The following TMTC3 variants were observed in gnomAD, a reference collection of about 807,000 sequenced individuals.
TMTC3 encodes transmembrane O-mannosyltransferase targeting cadherins 3.
Under a neutral mutation model 92.2 loss-of-function variants are expected in TMTC3, and 52 were observed. That is an observed-to-expected ratio of 0.56 (90% CI 0.45 to 0.71). TMTC3 has a LOEUF of 0.71. Ranked by LOEUF, TMTC3 falls within the 30% of genes least tolerant of loss-of-function variation. The probability of loss-of-function intolerance (pLI) is 0.00; values close to 1 mark genes in which losing one functional copy is unlikely to be tolerated. For synonymous variants in TMTC3, 339 were observed against 363.3 expected (o/e 0.93, Z 0.76); for missense variants, 896 against 1,057.1 (o/e 0.85, Z 2.11).
chr12:88,151,636 C>T (rs1052274044), intron 2 of TMTC3, among the ~76,000 whole-genome samples: 1 of 152,066 alleles, frequency 6.6e-6, no homozygotes, highest in Admixed American at 6.6e-5. Context: ...ATATGTATGT[C>T]TAATAGTCCT....
At chr12:88,148,596 T>C in intron 2 of TMTC3, 92 bp downstream of exon 2, 1 of 930,690 alleles carries the variant, frequency 1.1e-6, no homozygotes, top group South Asian at 2.0e-5. Flanking sequence ...AACATTATCA[T>C]CACAACAGTT....
rs549262612 is a variant in TMTC3 at position 88,153,215 on chromosome 12, G to A, written c.190-76G>A. ...AATGTAGATATTAATATCTTTAATG[G>A]TAAATGCAGTGATGAGCTTTTGTAC... On this transcript the variant is annotated intron_variant, in intron 2 of 13. Coordinates refer to ENST00000266712, the MANE Select transcript of TMTC3 (RefSeq NM_181783.4). The A allele has an allele frequency of 1.8e-4, 151 of 838,926 alleles. 3 individuals carry two copies. In the East Asian group the frequency reaches 3.9e-3, roughly 22 times the overall value. The allele number at this position is 838,926 out of a possible 1,614,324, so 52.0% of individuals were successfully genotyped here.
Position 88,198,438 on chromosome 12 carries a change from A to G in TMTC3, c.*2789A>G, listed in dbSNP as rs1453744711. ...TTGACAATCCCCAAGGGGCAGTGTT[A>G]CCTTACTCCTTCACTGCTTCTTAGA... On this transcript the variant is annotated 3_prime_UTR_variant, in exon 14 of 14. Coordinates refer to ENST00000266712, the MANE Select transcript of TMTC3 (RefSeq NM_181783.4). 2.5e-6 allele frequency: 1 copy of G among 398,012 alleles called. No individual in the cohort carries two copies. The highest frequency in any genetic ancestry group is 3.6e-5 in the East Asian group (1 of 28,072). The allele number at this position is 398,012 out of a possible 1,614,324, so 24.7% of individuals were successfully genotyped here.
chr12:88,165,727 A>G (rs2041135964), intron 6 of TMTC3, among the ~76,000 whole-genome samples: 1 of 152,116 alleles, frequency 6.6e-6, no homozygotes, highest in Non-Finnish European at 1.5e-5. Flanking sequence ...GTAGAACACA[A>G]ATTCTTACAC....
At position 88,192,731 on chromosome 12, in the gene TMTC3, G is replaced by T; in HGVS notation, c.1834G>T (p.Glu612Ter). The change falls in exon 13 of 14, where the codon GAA becomes TAA. Residue 612 changes from glutamate (E) to a stop codon, truncating the protein, a stop_gained. Coordinates refer to ENST00000266712, the MANE Select transcript of TMTC3 (RefSeq NM_181783.4). LOFTEE classifies it high-confidence loss of function. Reference protein sequence around the residue: ...NLAIVHIELKEPNEALKNFNR... With the variant: ...NLAIVHIELK ...GGCAATTGTACATATTGAACTTAAAGAACCAAATGAAGCCCTAAAAAACTT... is the reference window on the plus strand; with the variant it reads ...GGCAATTGTACATATTGAACTTAAATAACCAAATGAAGCCCTAAAAAACTT... The T allele has an allele frequency of 1.2e-6, 2 of 1,613,428 alleles. No individual in the cohort carries two copies. The highest frequency in any genetic ancestry group is 1.7e-6 in the Non-Finnish European group (2 of 1,179,646).
At chr12:88,189,680 C>CAATTTTCATGTTATCAGCA (rs2041421364) in intron 11 of TMTC3, among the ~76,000 whole-genome samples, 1 of 152,000 alleles carries the variant, frequency 6.6e-6, no homozygotes, top group Non-Finnish European at 1.5e-5. Context: ...TACCCTATGT[C>CAATTTTCATGTTATCAGCA]AATTTTCATG....
Position 88,174,650 on chromosome 12 carries a change from C to G in TMTC3, c.1243C>G (p.Leu415Val), listed in dbSNP as rs926861175. ...CTGGATTTGTCTGTCTATGGTGATA[C>G]TCACTCATTCCTTAAAAACATTCCA... is the stretch of plus-strand genomic sequence containing the variant. ...LSWICLSMVILTHSLKTFHRN... is the reference protein window; with the variant it reads ...LSWICLSMVIVTHSLKTFHRN... The change falls in exon 9 of 14, where the codon CTC becomes GTC. Residue 415 changes from leucine to valine, a missense_variant. Leu to Val is a conservative substitution (Grantham distance 32, BLOSUM62 1). Transcript: ENST00000266712. 6.2e-7 allele frequency: 1 copy of G among 1,612,052 alleles called. No individual in the cohort carries two copies. Among genetic ancestry groups the G allele is most frequent in the African/African-American group, 1.3e-5 (1 of 74,794 alleles).
chr12:88,146,136 C>G (rs1400168679), intron 1 of TMTC3, among the ~76,000 whole-genome samples: 1 of 152,128 alleles, frequency 6.6e-6, no homozygotes, highest in Non-Finnish European at 1.5e-5. Flanking sequence ...GTAAATCTGT[C>G]CCTTCCCTGC....
At chr12:88,187,542 C>A (rs765084807) in intron 10 of TMTC3, among the ~76,000 whole-genome samples, 3 of 152,086 alleles carry the variant, frequency 2.0e-5, no homozygotes, top group Non-Finnish European at 4.4e-5. Context: ...CCCCTCCTGG[C>A]TCCATGAGAC....
At position 88,195,330 on chromosome 12, in the gene TMTC3, G is replaced by T. The variant is rs111307435; in HGVS notation, c.2426G>T (p.Arg809Leu). Reference sequence around the variant, plus strand: ...GCACCACATGAAGAATATATTCAGCGCCATTTGAATATAGTCAGGGATAAG... The same window carrying T: ...GCACCACATGAAGAATATATTCAGCTCCATTTGAATATAGTCAGGGATAAG... ...ALAPHEEYIQ[R>L]HLNIVRDKIS... The change falls in exon 14 of 14, where the codon CGC becomes CTC. Residue 809 changes from arginine to leucine, a missense_variant. By Grantham distance (102) the Arg-to-Leu change is moderately radical (BLOSUM62 -2). Coordinates refer to ENST00000266712, the MANE Select transcript of TMTC3 (RefSeq NM_181783.4). 6.2e-7 allele frequency: 1 copy of T among 1,613,736 alleles called. No individual in the cohort carries two copies. The highest frequency in any genetic ancestry group is 8.5e-7 in the Non-Finnish European group (1 of 1,179,806).
intron 9 of TMTC3, among the ~76,000 whole-genome samples, chr12:88,175,400 T>C (rs2041248988): frequency 6.6e-6 from 1 of 152,246 alleles, no homozygotes; most frequent in Admixed American, 6.5e-5. Context: ...TCTGAATTTT[T>C]ACTTCCTTTG....
At position 88,197,114 on chromosome 12, in the gene TMTC3, T is replaced by G. The variant is rs1365683631; in HGVS notation, c.*1465T>G. On this transcript the variant is annotated 3_prime_UTR_variant, in exon 14 of 14. Transcript: ENST00000266712. ...TCAAAACTATATATTTTTTAGTTCC[T>G]TTGAGATAACTAATTTCTAATTATA... 6.6e-6 allele frequency: 1 copy of G among 152,174 alleles called. No homozygotes were observed. The highest frequency in any genetic ancestry group is 1.5e-5 in the Non-Finnish European group (1 of 67,798). 9.4% of individuals were successfully genotyped at this position (152,174 alleles called of 1,614,324 possible).
chr12:88,154,574 T>G (rs2040983256), intron 4 of TMTC3, among the ~76,000 whole-genome samples, 187 bp downstream of exon 4: 1 of 152,194 alleles, frequency 6.6e-6, no homozygotes, highest in Admixed American at 6.5e-5. Flanking sequence ...GAAGTTTGTG[T>G]ATAATTTATA....
At chr12:88,191,107 G>A (rs2041437457) in intron 12 of TMTC3, among the ~76,000 whole-genome samples, 1 of 152,036 alleles carries the variant, frequency 6.6e-6, no homozygotes, top group Non-Finnish European at 1.5e-5. Flanking sequence ...TCTCATGTAT[G>A]TGTTATCATT....
intron 7 of TMTC3, among the ~76,000 whole-genome samples, chr12:88,169,765 C>T (rs1209617217): frequency 2.0e-5 from 3 of 151,834 alleles, no homozygotes; most frequent in African/African-American, 4.8e-5. Context: ...ACAGTGAGAT[C>T]CCACCTCTAA....
In TMTC3 at chr12:88,194,945, G is replaced by A. The variant is rs1187968938; in HGVS notation, c.2041G>A (p.Asp681Asn). 6.2e-7 allele frequency: 1 copy of A among 1,613,620 alleles called. No homozygotes were observed. The highest frequency in any genetic ancestry group is 8.5e-7 in the Non-Finnish European group (1 of 1,179,904). Residue 681 changes from aspartate to asparagine, a missense_variant, in exon 14 of 14, where the codon GAC becomes AAC. Physicochemically the swap from Asp to Asn is conservative, Grantham distance 23. Transcript: ENST00000266712. ...YFNLGMLAMD[D>N]KKDNEAEIWM... ...CAATTTGGGAATGCTTGCCATGGAT[G>A]ACAAAAAGGACAATGAAGCAGAGAT...
intron 10 of TMTC3, among the ~76,000 whole-genome samples, chr12:88,177,410 A>C (rs1020835378): frequency 1.3e-5 from 2 of 152,154 alleles, no homozygotes; most frequent in African/African-American, 4.8e-5. Context: ...AATTCTGTTA[A>C]ATAGGATTAA....
chr12:88,187,135 G>T, intron 10 of TMTC3, among the ~76,000 whole-genome samples: 2 of 146,864 alleles, frequency 1.4e-5, no homozygotes, highest in African/African-American at 2.5e-5. Flanking sequence ...AACATTCTGA[G>T]CTCTATAAAC....
chr12:88,188,061 C>G (rs1219511538), intron 10 of TMTC3, among the ~76,000 whole-genome samples: 2 of 151,998 alleles, frequency 1.3e-5, no homozygotes, highest in East Asian at 1.9e-4. Flanking sequence ...TCCTGACATT[C>G]TAAAATTAAC....
Sources: gnomAD v4.1 joint callset for allele counts (sites outside exome capture counted in the v4.1 genomes callset) on GRCh38, gnomAD v4.1.1 for gene constraint, MANE v1.5 for transcripts, NCBI Gene and HGNC (gene_info 2026-07-23, HGNC 2026-07-21) for gene names.